The following RGS7 variants were observed in gnomAD, a reference collection of about 807,000 sequenced individuals.
The protein encoded by RGS7 is regulator of G-protein signaling 7.
Under a neutral mutation model 81.1 loss-of-function variants are expected in RGS7, and 27 were observed. The ratio of observed to expected loss-of-function variants is 0.33; its 90% CI spans 0.25 to 0.46. The LOEUF (loss-of-function observed/expected upper bound fraction) is 0.46, where lower values mean the gene tolerates loss of function less well. Ranked by LOEUF, RGS7 falls within the 20% of genes least tolerant of loss-of-function variation. The pLI is 1.00. For synonymous variants in RGS7, 208 were observed against 207.7 expected (o/e 1.00, Z -0.01); for missense variants, 396 against 607.4 (o/e 0.65, Z 3.66).
chr1:241,017,138 G>A (rs2059293119), intron 3 of RGS7, among the ~76,000 whole-genome samples: 2 of 152,110 alleles, frequency 1.3e-5, no homozygotes, highest in Admixed American at 1.3e-4. Context: ...TTCCCTTGCA[G>A]CATTGCTGTC....
intron 3 of RGS7, among the ~76,000 whole-genome samples, chr1:240,983,502 G>A (rs1685227732): frequency 6.6e-6 from 1 of 152,058 alleles, no homozygotes; most frequent in Non-Finnish European, 1.5e-5. Context: ...TCTCATTTTT[G>A]GTTGTACCCA....
chr1:241,200,912 T>C (rs61833784), intron 2 of RGS7, among the ~76,000 whole-genome samples: 15,305 of 152,174 alleles, frequency 0.1, 1,267 homozygotes, highest in East Asian at 0.4. Context: ...AAGTGCAAAA[T>C]CCAACCCTAA....
intron 2 of RGS7, among the ~76,000 whole-genome samples, chr1:241,119,354 C>A (rs1029482469): frequency 4.6e-5 from 7 of 152,134 alleles, no homozygotes; most frequent in African/African-American, 1.7e-4. Flanking sequence ...CATCCTTGCA[C>A]AGAAAATGCT....
intron 6 of RGS7, among the ~76,000 whole-genome samples, chr1:240,926,986 C>G (rs16841052): frequency 6.6e-6 from 1 of 152,068 alleles, no homozygotes; most frequent in African/African-American, 2.4e-5. Flanking sequence ...TTCAGCAGAA[C>G]CTACTTGGTA....
At chr1:240,805,055 C>T (rs1025248908) in intron 15 of RGS7, among the ~76,000 whole-genome samples, 1 of 151,994 alleles carries the variant, frequency 6.6e-6, no homozygotes, top group Non-Finnish European at 1.5e-5. Context: ...GAAGTATGCA[C>T]GTTCTGATTT....
chr1:241,154,230 G>A (rs2068956456), intron 2 of RGS7, among the ~76,000 whole-genome samples: 1 of 152,196 alleles, frequency 6.6e-6, no homozygotes, highest in Non-Finnish European at 1.5e-5. Flanking sequence ...GCTCTTCTGG[G>A]CAGTTGGTTA....
chr1:241,126,476 G>A (rs80244991), intron 2 of RGS7, among the ~76,000 whole-genome samples: 15,400 of 152,080 alleles, frequency 0.1, 1,149 homozygotes, highest in East Asian at 0.2. Context: ...TCTGTAATGG[G>A]GCATGGGAGT....
Position 241,206,595 on chromosome 1 carries a change from C to T in RGS7, c.79-107833G>A, listed in dbSNP as rs535895413. ...AGGAACTTCTTACTTTGGCATACAA[C>T]GTGAGAAGATGGAACTGCCATCTAT... On this transcript the variant is annotated intron_variant, in intron 2 of 18. Coordinates refer to ENST00000440928, the MANE Select transcript of RGS7 (RefSeq NM_001364886.1). Among the ~76,000 whole-genome samples the T allele has an allele frequency of 9.2e-5, 14 of 152,264 alleles. No homozygotes were observed. In the South Asian group the frequency reaches 1.9e-3, roughly 20 times the overall value.
chr1:241,325,644 T>A (rs1272123059), intron 2 of RGS7, among the ~76,000 whole-genome samples: 1 of 152,222 alleles, frequency 6.6e-6, no homozygotes, highest in Non-Finnish European at 1.5e-5. Flanking sequence ...TGGCAACTTT[T>A]ATACAGAGAC....
At chr1:241,171,369 T>C (rs571709849) in intron 2 of RGS7, among the ~76,000 whole-genome samples, 3 of 152,360 alleles carry the variant, frequency 2.0e-5, no homozygotes, top group East Asian at 1.9e-4. Flanking sequence ...ATTGTTTCCA[T>C]TGTGCCACTG....
At chr1:240,795,286 C>T (rs1371889363) in intron 18 of RGS7, among the ~76,000 whole-genome samples, 2 of 152,062 alleles carry the variant, frequency 1.3e-5, no homozygotes, top group Non-Finnish European at 2.9e-5. Flanking sequence ...AAGTTTTCAA[C>T]AGTGTCTTAA....
chr1:241,053,486 C>T (rs1021503344), intron 3 of RGS7, among the ~76,000 whole-genome samples: 7 of 152,204 alleles, frequency 4.6e-5, no homozygotes, highest in Non-Finnish European at 1.0e-4. Flanking sequence ...TCATCACTAT[C>T]AACGAAGAAT....
At chr1:240,825,000 T>G (rs1254624852) in intron 10 of RGS7, among the ~76,000 whole-genome samples, 1 of 152,224 alleles carries the variant, frequency 6.6e-6, no homozygotes, top group African/African-American at 2.4e-5. Context: ...CTCGAACTTC[T>G]AGTTTCCGTA....
At chr1:241,284,997 A>C (rs2078726094) in intron 2 of RGS7, among the ~76,000 whole-genome samples, 1 of 152,014 alleles carries the variant, frequency 6.6e-6, no homozygotes, top group African/African-American at 2.4e-5. Context: ...CAGCCTCCCA[A>C]GTAGCTGAGA....
At chr1:240,861,616 C>T (rs1323460142) in intron 9 of RGS7, among the ~76,000 whole-genome samples, 1 of 152,118 alleles carries the variant, frequency 6.6e-6, no homozygotes, top group Non-Finnish European at 1.5e-5. Flanking sequence ...ATACAGAACC[C>T]AATGTGTGGT....
chr1:241,134,065 T>G (rs182899132), intron 2 of RGS7, among the ~76,000 whole-genome samples: 133 of 152,336 alleles, frequency 8.7e-4, no homozygotes, highest in African/African-American at 3.0e-3. Context: ...AAGCATCCCA[T>G]CCTGCACTGC....
intron 2 of RGS7, among the ~76,000 whole-genome samples, chr1:241,297,399 G>T (rs2148482499): frequency 6.6e-6 from 1 of 152,330 alleles, no homozygotes; most frequent in South Asian, 2.1e-4. Context: ...GCTGTAATGA[G>T]ATATAGGAAT....
At chr1:241,147,347 A>G (rs1189364843) in intron 2 of RGS7, among the ~76,000 whole-genome samples, 4 of 152,196 alleles carry the variant, frequency 2.6e-5, no homozygotes, top group South Asian at 2.1e-4. Context: ...CATAATCTAA[A>G]TTAATTCCAA....
At chr1:241,154,493 C>T (rs377242852) in intron 2 of RGS7, among the ~76,000 whole-genome samples, 28 of 152,118 alleles carry the variant, frequency 1.8e-4, no homozygotes, top group East Asian at 5.8e-4. Context: ...GGTCAGGGGC[C>T]CTGAAATGAA....
Sources: gnomAD v4.1 joint callset for allele counts (sites outside exome capture counted in the v4.1 genomes callset) on GRCh38, gnomAD v4.1.1 for gene constraint, MANE v1.5 for transcripts, NCBI Gene and HGNC (gene_info 2026-07-23, HGNC 2026-07-21) for gene names.